INPP5A: variants seen among roughly 807,000 people sequenced by gnomAD.
The protein encoded by INPP5A is inositol polyphosphate-5-phosphatase A.
INPP5A carries 14 observed loss-of-function variants against 65.2 expected under a neutral mutation model. The ratio of observed to expected loss-of-function variants is 0.21; its 90% confidence interval spans 0.14 to 0.34. The LOEUF (loss-of-function observed/expected upper bound fraction) is 0.34, where lower values mean the gene tolerates loss of function less well. Among genes scored for constraint, INPP5A ranks in the 10% least tolerant of loss-of-function variants. INPP5A has a pLI of 1.00. For synonymous variants in INPP5A, 207 were observed against 208.3 expected (o/e 0.99, Z 0.05); for missense variants, 431 against 545.6 (o/e 0.79, Z 2.09).
At chr10:132,749,873 C>G (rs1378005550) in intron 11 of INPP5A, 28 bp downstream of exon 11, 2 of 1,598,616 alleles carry the variant, frequency 1.3e-6, no homozygotes, top group Admixed American at 1.7e-5. Flanking sequence ...TGTGGCAGCT[C>G]CCCCGTCCTG....
chr10:132,548,429 C>T (rs987524029), intron 1 of INPP5A, among the ~76,000 whole-genome samples: 2 of 152,196 alleles, frequency 1.3e-5, no homozygotes, highest in African/African-American at 2.4e-5. Flanking sequence ...GCCTCGCACC[C>T]GGCCTGGGGG....
intron 6 of INPP5A, among the ~76,000 whole-genome samples, chr10:132,701,014 C>CT (rs528236489): frequency 2.0e-4 from 30 of 152,358 alleles, no homozygotes; most frequent in South Asian, 6.2e-4. Flanking sequence ...CCATAGATCA[C>CT]AGGGCCGGCT....
At chr10:132,737,920 A>AT (rs1432338117) in intron 9 of INPP5A, among the ~76,000 whole-genome samples, 5 of 152,102 alleles carry the variant, frequency 3.3e-5, no homozygotes, top group Admixed American at 1.3e-4. Context: ...TATTTAGGGG[A>AT]TTTTTTCTAG....
intron 11 of INPP5A, among the ~76,000 whole-genome samples, chr10:132,764,232 C>T (rs1846789171): frequency 6.6e-6 from 1 of 152,256 alleles, no homozygotes; most frequent in South Asian, 2.1e-4. Context: ...TGGACGAGGT[C>T]ACAGGAAGAG....
At chr10:132,604,609 G>C (rs2071821992) in intron 1 of INPP5A, among the ~76,000 whole-genome samples, 1 of 152,204 alleles carries the variant, frequency 6.6e-6, no homozygotes, top group Non-Finnish European at 1.5e-5. Context: ...AATTCCTCAA[G>C]CTATGCTACT....
At chr10:132,755,046 C>T (rs1464158265) in intron 11 of INPP5A, among the ~76,000 whole-genome samples, 1 of 149,402 alleles carries the variant, frequency 6.7e-6, no homozygotes, top group Non-Finnish European at 1.5e-5. Flanking sequence ...TGATCGTATG[C>T]ATGTGTGTGA....
intron 1 of INPP5A, among the ~76,000 whole-genome samples, chr10:132,583,426 C>A (rs1337155459): frequency 2.0e-5 from 3 of 152,138 alleles, no homozygotes; most frequent in Non-Finnish European, 2.9e-5. Context: ...TGGTCAGGAC[C>A]TTTGGCATCG....
chr10:132,571,216 A>G lies in INPP5A; in HGVS notation c.75+33045A>G, dbSNP rs113736530. Among the ~76,000 whole-genome samples the G allele has an allele frequency of 8.2e-3, 1,247 of 152,390 alleles. 15 individuals carry two copies. Among genetic ancestry groups the G allele is most frequent in the African/African-American group, 0.029 (1,194 of 41,600 alleles). On this transcript the variant is annotated intron_variant, in intron 1 of 15. Transcript: ENST00000368594. ...GTGCCTTTTGCTGAATGAGGTGAAC[A>G]GCAAGAGGGAGAAAAGGAGAGATCG... is the stretch of plus-strand genomic sequence containing the variant.
intron 12 of INPP5A, among the ~76,000 whole-genome samples, chr10:132,777,184 C>T (rs1565015214): frequency 6.6e-6 from 1 of 152,204 alleles, no homozygotes; most frequent in Non-Finnish European, 1.5e-5. Flanking sequence ...AGCCTGAGCA[C>T]CTGGATGCTC....
chr10:132,569,517 C>T (rs745923164), intron 1 of INPP5A, among the ~76,000 whole-genome samples: 7 of 152,088 alleles, frequency 4.6e-5, no homozygotes, highest in African/African-American at 7.2e-5. Flanking sequence ...CCACCATGAC[C>T]GCCTAATTTT....
At chr10:132,599,044 G>C (rs1045599780) in intron 1 of INPP5A, among the ~76,000 whole-genome samples, 1 of 152,014 alleles carries the variant, frequency 6.6e-6, no homozygotes, top group African/African-American at 2.4e-5. Context: ...ATTTGGGTGG[G>C]GACACAGCCA....
chr10:132,628,869 G>A (rs989885796), intron 2 of INPP5A, among the ~76,000 whole-genome samples: 1 of 152,080 alleles, frequency 6.6e-6, no homozygotes, highest in Non-Finnish European at 1.5e-5. Context: ...AAAGCAAAAA[G>A]AAATAGGTGA....
At chr10:132,604,545 A>C (rs116593004) in intron 1 of INPP5A, among the ~76,000 whole-genome samples, 2,259 of 152,184 alleles carry the variant, frequency 0.015, 53 homozygotes, top group African/African-American at 0.05. Flanking sequence ...AATCTTCCTT[A>C]TGGTGTGTTT....
At chr10:132,738,130 T>C (rs1354417135) in intron 9 of INPP5A, among the ~76,000 whole-genome samples, 1 of 152,234 alleles carries the variant, frequency 6.6e-6, no homozygotes, top group East Asian at 1.9e-4. Flanking sequence ...CACTAATCTT[T>C]AATGCACTTT....
chr10:132,765,964 G>A, intron 12 of INPP5A, 118 bp downstream of exon 12: 1 of 706,254 alleles, frequency 1.4e-6, no homozygotes, highest in Non-Finnish European at 2.6e-6. Context: ...ATGAGTGTGT[G>A]CATTCTGTGT....
At chr10:132,638,655 C>T (rs1332428646) in intron 2 of INPP5A, among the ~76,000 whole-genome samples, 1 of 152,200 alleles carries the variant, frequency 6.6e-6, no homozygotes, top group Non-Finnish European at 1.5e-5. Context: ...GCAGCCTCTG[C>T]CTCTTGGGCT....
At chr10:132,742,058 G>A (rs1292870814) in intron 9 of INPP5A, among the ~76,000 whole-genome samples, 1 of 152,196 alleles carries the variant, frequency 6.6e-6, no homozygotes, top group African/African-American at 2.4e-5. Flanking sequence ...AATCAGCACC[G>A]GGTCCTACAG....
In INPP5A at chr10:132,762,635, A is replaced by G. The variant is rs1362588331; in HGVS notation, c.904-3138A>G. Among the ~76,000 whole-genome samples, 1 of 152,204 alleles carries G rather than the reference A, an allele frequency of 6.6e-6. No individual in the cohort carries two copies. Among genetic ancestry groups the G allele is most frequent in the Non-Finnish European group, 1.5e-5 (1 of 68,034 alleles). ...AGCAGGGTGGGATGAAGAAGGAAGA[A>G]GAACATTTGTGTAAAGCTTAAAAAC... On this transcript the variant is annotated intron_variant, in intron 11 of 15. Transcript: ENST00000368594. This position sits in a 1 kb window ranked among gnomAD's most constrained non-coding sequence, Gnocchi z 4.6.
intron 9 of INPP5A, among the ~76,000 whole-genome samples, chr10:132,731,467 G>A (rs1316969755): frequency 5.9e-5 from 9 of 152,134 alleles, no homozygotes; most frequent in South Asian, 2.1e-4. Context: ...CATATCAGGC[G>A]GCCCTGGGAG....
Sources: allele counts gnomAD v4.1 joint callset (sites outside exome capture counted in the v4.1 genomes callset), GRCh38; gene constraint gnomAD v4.1.1; non-coding constraint Gnocchi (gnomAD v3.1); transcripts MANE v1.5; gene names NCBI Gene and HGNC (gene_info 2026-07-23, HGNC 2026-07-21).